RABGAP1: variants seen among roughly 807,000 people sequenced by gnomAD.
The protein encoded by RABGAP1 is RAB GTPase activating protein 1, also known as rab GTPase-activating protein 1.
In RABGAP1, 23 loss-of-function variants were observed where a neutral mutation model predicts 137.6. The ratio of observed to expected loss-of-function variants is 0.17; its 90% CI spans 0.12 to 0.24. The LOEUF (loss-of-function observed/expected upper bound fraction) is 0.24. RABGAP1 is among the 10% of genes least tolerant of loss of function. The pLI is 1.00. For missense variants in RABGAP1, 906 were observed against 1,275.8 expected, an observed-to-expected ratio of 0.71 and a Z score of 4.42; for synonymous variants, 451 against 450.7, an observed-to-expected ratio of 1.00 and a Z score of -0.01.
At chr9:123,003,606 G>T (rs147154692) in intron 10 of RABGAP1, among the ~76,000 whole-genome samples, 118 of 152,274 alleles carry the variant, frequency 7.7e-4, no homozygotes, top group Admixed American at 7.0e-3. Context: ...TTTAAAAATT[G>T]ATTCTTTTTC....
intron 2 of RABGAP1, among the ~76,000 whole-genome samples, chr9:122,972,532 G>T (rs1246322150): frequency 6.6e-6 from 1 of 152,152 alleles, no homozygotes; most frequent in African/African-American, 2.4e-5. Context: ...GGGGCTGTGG[G>T]TTAGAAATTA....
chr9:122,989,407 C>T lies in RABGAP1; in HGVS notation c.701C>T (p.Thr234Ile), dbSNP rs761585128. Residue 234 changes from threonine (T) to isoleucine (I), a missense_variant, in exon 5 of 26, where the codon ACT becomes ATT. Physicochemically the swap from Thr to Ile is moderately conservative, Grantham distance 89 (BLOSUM62 -1). Transcript: ENST00000373647. Reference sequence around the variant, plus strand: ...CCTGAGAGTGACTGTTTTGCTTTCACTGAAAGTCATTACAATGCAGAGCTC... The same window carrying T: ...CCTGAGAGTGACTGTTTTGCTTTCATTGAAAGTCATTACAATGCAGAGCTC... ...GTPESDCFAF[T>I]ESHYNAELFR... The T allele has an allele frequency of 9.3e-6, 15 of 1,614,068 alleles. No individual in the cohort carries two copies. In the Admixed American group the frequency reaches 1.5e-4, roughly 16 times the overall value.
chr9:123,092,918 A>G (rs184630766), intron 21 of RABGAP1, among the ~76,000 whole-genome samples: 11 of 152,310 alleles, frequency 7.2e-5, no homozygotes, highest in Middle Eastern at 3.4e-3. Flanking sequence ...GCTCAGGAGC[A>G]TCACACCAGG....
intron 5 of RABGAP1, 91 bp from the exon 6 acceptor site, chr9:122,989,965 A>G: frequency 7.6e-7 from 1 of 1,323,564 alleles, no homozygotes; most frequent in South Asian, 1.5e-5. Flanking sequence ...AAAGATAATT[A>G]TTGCCCTCCA....
chr9:123,101,835 T>C (rs1489656706), intron 25 of RABGAP1, 72 bp downstream of exon 25: 3 of 1,429,746 alleles, frequency 2.1e-6, no homozygotes, highest in African/African-American at 1.4e-5. Flanking sequence ...CCCCAGAAAT[T>C]ATCTTTATGG....
chr9:123,048,754 G>A (rs534201145), intron 13 of RABGAP1, among the ~76,000 whole-genome samples: 1 of 152,128 alleles, frequency 6.6e-6, no homozygotes, highest in Admixed American at 6.5e-5. Context: ...ATGATATTTT[G>A]TGTGTTCACT....
At position 123,010,481 on chromosome 9, in the gene RABGAP1, C is replaced by T. The variant is rs762215432; in HGVS notation, c.1502C>T (p.Ser501Leu). Residue 501 changes from serine to leucine, a missense_variant, in exon 11 of 26, where the codon TCG (serine) becomes TTG (leucine). Transcript: ENST00000373647. ...TCAGTTCGCCTGCCACAGTCTGGAT[C>T]GCAAAGTTCAGTGATACCTTCTCCT... ...SPSVRLPQSG[S>L]QSSVIPSPPE... 20 of 1,613,742 alleles carry T rather than the reference C, an allele frequency of 1.2e-5. No homozygotes were observed. The highest frequency in any genetic ancestry group is 2.2e-5 in the South Asian group (2 of 91,070).
At chr9:123,076,334 A>C (rs201014018) in intron 18 of RABGAP1, 48 bp downstream of exon 18, 123 of 1,556,544 alleles carry the variant, frequency 7.9e-5, no homozygotes, top group Non-Finnish European at 1.0e-4. Context: ...CCTGCTCTGC[A>C]CTTGCAATAC....
chr9:122,987,069 C>G (rs544421380), intron 4 of RABGAP1, among the ~76,000 whole-genome samples: 11 of 151,964 alleles, frequency 7.2e-5, no homozygotes, highest in African/African-American at 2.4e-4. Context: ...CCTGGGAGTT[C>G]AAGGCTTCAG....
intron 13 of RABGAP1, among the ~76,000 whole-genome samples, chr9:123,044,627 G>A (rs1478815765): frequency 9.4e-4 from 9 of 9,554 alleles, no homozygotes; most frequent in East Asian, 5.3e-3. Flanking sequence ...ACACACGTAC[G>A]TGTGTGTGTG....
At chr9:123,084,535 A>T (rs2132191271) in intron 19 of RABGAP1, among the ~76,000 whole-genome samples, 1 of 152,308 alleles carries the variant, frequency 6.6e-6, no homozygotes, top group Admixed American at 6.5e-5. Flanking sequence ...GATTTTGGCA[A>T]CACTTTTTTA....
At position 123,089,837 on chromosome 9, in the gene RABGAP1, T is replaced by C. The variant is rs749404611; in HGVS notation, c.2504T>C (p.Ile835Thr). ...CAGCAGGCCCAGCAAGAAGACCCCA[T>C]CGAGCGATTTGAGGTTTGTTTGCTT... Reference protein sequence around the residue: ...REQQAQQEDPIERFERENRRL... With the variant: ...REQQAQQEDPTERFERENRRL... Residue 835 changes from isoleucine (I) to threonine (T), a missense_variant, in exon 20 of 26, where the codon ATC becomes ACC. Physicochemically the swap from Ile to Thr is moderately conservative, Grantham distance 89. Around this residue, in one of 9 missense-constraint regions of RABGAP1, gnomAD observed 77 missense variants for 105.6 expected, o/e 0.73. Coordinates refer to ENST00000373647, the MANE Select transcript of RABGAP1 (RefSeq NM_012197.4). The C allele has an allele frequency of 5.6e-6, 9 of 1,613,636 alleles. No homozygotes were observed. The highest frequency in any genetic ancestry group is 7.6e-6 in the Non-Finnish European group (9 of 1,179,684).
At chr9:123,042,708 CA>C (rs2033009964) in intron 13 of RABGAP1, among the ~76,000 whole-genome samples, 1 of 151,970 alleles carries the variant, frequency 6.6e-6, no homozygotes, top group Non-Finnish European at 1.5e-5. Flanking sequence ...TCAGGGAACC[CA>C]ATAGCTGACT....
chr9:123,064,041 C>G (rs1408141149), intron 13 of RABGAP1, among the ~76,000 whole-genome samples: 1 of 151,076 alleles, frequency 6.6e-6, no homozygotes, highest in East Asian at 1.9e-4. Flanking sequence ...CTCACTCGCT[C>G]TCACTCTCAC....
chr9:123,085,778 A>G (rs2034845176), intron 19 of RABGAP1, among the ~76,000 whole-genome samples: 2 of 152,250 alleles, frequency 1.3e-5, no homozygotes, highest in Non-Finnish European at 2.9e-5. Flanking sequence ...TTTCACAATG[A>G]ATAGGACTTC....
chr9:122,978,673 A>G (rs1588204325), intron 2 of RABGAP1, among the ~76,000 whole-genome samples: 1 of 152,226 alleles, frequency 6.6e-6, no homozygotes, highest in African/African-American at 2.4e-5. Context: ...GTGTAGACAT[A>G]TGTTTTTATT....
chr9:122,989,208 TAGAA>T lies in RABGAP1; in HGVS notation c.591-84_591-81del. On this transcript the variant is annotated intron_variant, in intron 4 of 25. Coordinates refer to ENST00000373647, the MANE Select transcript of RABGAP1 (RefSeq NM_012197.4). ...CATACCAAATATATGATCTTCTTAC[TAGAA>T]AGAATGAGTCTCACATCTTAATCTA... 7 of 1,210,978 alleles carry T rather than the reference TAGAA, an allele frequency of 5.8e-6. No individual in the cohort carries two copies. The South Asian group carries it at 7.7e-5, about 13-fold the overall frequency. The allele number at this position is 1,210,978 out of a possible 1,614,324, so 75.0% of individuals were successfully genotyped here. A position where few individuals can be genotyped will look rare whatever the true frequency, so the allele number is the denominator to read the frequency against.
At chr9:123,048,314 A>C (rs1158170338) in intron 13 of RABGAP1, among the ~76,000 whole-genome samples, 1 of 152,180 alleles carries the variant, frequency 6.6e-6, no homozygotes, top group African/African-American at 2.4e-5. Flanking sequence ...AGAGAAGCTA[A>C]CTTTGTAAAG....
At chr9:123,042,097 G>A (rs2032980940) in intron 13 of RABGAP1, among the ~76,000 whole-genome samples, 1 of 152,198 alleles carries the variant, frequency 6.6e-6, no homozygotes. Flanking sequence ...TTGCAAACAT[G>A]ACTGCTGTAA....
Sources: allele counts gnomAD v4.1 joint callset (sites outside exome capture counted in the v4.1 genomes callset), GRCh38; gene constraint gnomAD v4.1.1; regional missense constraint gnomAD v4.1.1; transcripts MANE v1.5; gene names NCBI Gene and HGNC (gene_info 2026-07-23, HGNC 2026-07-21).